MARCHF1: variants seen among roughly 807,000 people sequenced by gnomAD.
MARCHF1 encodes the protein membrane associated ring-CH-type finger 1.
MARCHF1 carries 40 observed loss-of-function variants against 54.2 expected under a neutral mutation model. The observed-to-expected ratio is 0.74, with a 90% confidence interval of 0.57 to 0.96. MARCHF1 has a LOEUF of 0.96. Ranked by LOEUF, MARCHF1 falls within the 40% of genes least tolerant of loss-of-function variation. MARCHF1 has a pLI of 0.00. For missense variants in MARCHF1, 586 were observed against 656.5 expected, an observed-to-expected ratio of 0.89 and a Z score of 1.17; for synonymous variants, 236 against 236.3, an observed-to-expected ratio of 1.00 and a Z score of 0.01.
intron 1 of MARCHF1, among the ~76,000 whole-genome samples, chr4:164,219,140 C>T (rs1189444060): frequency 6.6e-6 from 1 of 151,950 alleles, no homozygotes; most frequent in East Asian, 1.9e-4. Context: ...GCAGCTGTCT[C>T]GGTTTGGGCA....
intron 4 of MARCHF1, among the ~76,000 whole-genome samples, chr4:163,741,378 A>G (rs988110402): frequency 2.6e-5 from 4 of 152,166 alleles, no homozygotes; most frequent in South Asian, 2.1e-4. Flanking sequence ...TGAGGTCAGG[A>G]GTTCAAGACA....
chr4:164,096,065 G>A (rs1755404201), intron 2 of MARCHF1, among the ~76,000 whole-genome samples: 1 of 152,112 alleles, frequency 6.6e-6, no homozygotes, highest in African/African-American at 2.4e-5. Flanking sequence ...CCATTACTGG[G>A]TACATACCCA....
At chr4:164,176,715 C>T (rs1730672744) in intron 1 of MARCHF1, among the ~76,000 whole-genome samples, 3 of 151,374 alleles carry the variant, frequency 2.0e-5, no homozygotes, top group African/African-American at 7.3e-5. Context: ...CACACAGCTG[C>T]CTCATGGAAA....
chr4:164,076,291 A>T (rs1378995796), intron 2 of MARCHF1, among the ~76,000 whole-genome samples: 1 of 152,162 alleles, frequency 6.6e-6, no homozygotes, highest in Non-Finnish European at 1.5e-5. Flanking sequence ...ACAAAATATT[A>T]GAGCTCAAAG....
intron 3 of MARCHF1, among the ~76,000 whole-genome samples, chr4:163,896,595 T>C (rs1750811645): frequency 6.6e-6 from 1 of 152,220 alleles, no homozygotes; most frequent in African/African-American, 2.4e-5. Flanking sequence ...TCACCTGGAC[T>C]TGTATAATAG....
intron 4 of MARCHF1, among the ~76,000 whole-genome samples, chr4:163,768,497 A>G (rs1263485999): frequency 6.6e-6 from 1 of 152,264 alleles, no homozygotes; most frequent in Admixed American, 6.5e-5. Context: ...GAAAAACAAA[A>G]AAAGTTCTGT....
At chr4:163,973,648 CA>C (rs1253643788) in intron 3 of MARCHF1, among the ~76,000 whole-genome samples, 1 of 152,100 alleles carries the variant, frequency 6.6e-6, no homozygotes, top group Non-Finnish European at 1.5e-5. Context: ...ACCATAGCCA[CA>C]TAGAATAAAT....
chr4:163,863,264 A>G (rs1446796007), intron 3 of MARCHF1, among the ~76,000 whole-genome samples: 1 of 152,112 alleles, frequency 6.6e-6, no homozygotes, highest in African/African-American at 2.4e-5. Context: ...GAAGATGGTG[A>G]GGGAAAATGT....
chr4:164,332,790 T>C (rs1298393325), intron 1 of MARCHF1, among the ~76,000 whole-genome samples: 3 of 152,128 alleles, frequency 2.0e-5, no homozygotes, highest in Non-Finnish European at 4.4e-5. Context: ...GGGTGAAAAG[T>C]TCTGCAAGAT....
intron 3 of MARCHF1, among the ~76,000 whole-genome samples, chr4:163,895,618 C>T (rs777370715): frequency 1.4e-4 from 22 of 152,166 alleles, no homozygotes; most frequent in Non-Finnish European, 2.9e-4. Flanking sequence ...TAGAGGGCTT[C>T]CTTCTCTAAG....
At chr4:164,176,461 A>G (rs1397138018) in intron 1 of MARCHF1, among the ~76,000 whole-genome samples, 3 of 152,200 alleles carry the variant, frequency 2.0e-5, no homozygotes, top group African/African-American at 7.2e-5. Flanking sequence ...GGAAAAAAAT[A>G]GTCATCCCAT....
At chr4:164,280,214 T>C (rs1354451338) in intron 1 of MARCHF1, among the ~76,000 whole-genome samples, 4 of 151,994 alleles carry the variant, frequency 2.6e-5, no homozygotes, top group Non-Finnish European at 5.9e-5. Flanking sequence ...TTATTATTGT[T>C]CCTATTTTAG....
intron 2 of MARCHF1, among the ~76,000 whole-genome samples, chr4:164,081,207 C>CAAAAAAAAAAAAAAAA (rs60753810): frequency 1.6e-4 from 3 of 18,406 alleles, no homozygotes; most frequent in Non-Finnish European, 1.9e-4. Context: ...GACGCTGTCT[C>CAAAAAAAAAAAAAAAA]AAAAAAAAAA....
chr4:164,345,064 T>C (rs1333111829), intron 1 of MARCHF1, among the ~76,000 whole-genome samples: 2 of 152,172 alleles, frequency 1.3e-5, no homozygotes, highest in Non-Finnish European at 2.9e-5. Context: ...TAAGTGCTAG[T>C]GCTCTATACC....
intron 1 of MARCHF1, among the ~76,000 whole-genome samples, chr4:164,358,337 A>G (rs1029579524): frequency 3.3e-5 from 5 of 152,156 alleles, no homozygotes; most frequent in African/African-American, 1.2e-4. Context: ...CATAAATGCT[A>G]TAAAGAAAGT....
chr4:164,349,884 T>C (rs979873505), intron 1 of MARCHF1, among the ~76,000 whole-genome samples: 1 of 152,186 alleles, frequency 6.6e-6, no homozygotes, highest in African/African-American at 2.4e-5. Context: ...CAGAAGACAA[T>C]GTAACATAGT....
Position 163,547,028 on chromosome 4 carries a change from C to T in MARCHF1, c.1192-1285G>A, listed in dbSNP as rs11937165. Among the ~76,000 whole-genome samples, 1,161 of 152,230 alleles carry T rather than the reference C, an allele frequency of 7.6e-3. 11 individuals carry two copies. Among genetic ancestry groups the T allele is most frequent in the African/African-American group, 0.025 (1,019 of 41,530 alleles). ...TAATCTAGGATTCTTTACATTATTA[C>T]GCCCTCACTAAAGCAAAATCTTCAG... On this transcript the variant is annotated intron_variant, in intron 8 of 9. Coordinates refer to ENST00000514618, the MANE Select transcript of MARCHF1 (RefSeq NM_001394959.1).
intron 5 of MARCHF1, among the ~76,000 whole-genome samples, chr4:163,643,521 C>T (rs761206257): frequency 2.6e-5 from 4 of 151,996 alleles, no homozygotes; most frequent in Admixed American, 2.0e-4. Context: ...CAGCTCCCTA[C>T]ATTTTAATAT....
intron 1 of MARCHF1, among the ~76,000 whole-genome samples, chr4:164,193,449 T>C (rs1225213139): frequency 6.6e-6 from 1 of 152,080 alleles, no homozygotes; most frequent in African/African-American, 2.4e-5. Context: ...CTGCACTGCT[T>C]AACTCTCACT....
Sources: allele counts gnomAD v4.1 joint callset (sites outside exome capture counted in the v4.1 genomes callset), GRCh38; gene constraint gnomAD v4.1.1; transcripts MANE v1.5; gene names NCBI Gene and HGNC (gene_info 2026-07-23, HGNC 2026-07-21).